ZNF397: variants seen among roughly 807,000 people sequenced by gnomAD.
The protein encoded by ZNF397 is zinc finger and SCAN domain-containing protein 15.
Under a neutral mutation model 50.6 loss-of-function variants are expected in ZNF397, and 38 were observed. The observed-to-expected ratio is 0.75, with a 90% CI of 0.58 to 0.98. The LOEUF (loss-of-function observed/expected upper bound fraction) is 0.98, where lower values mean the gene tolerates loss of function less well. Ranked by LOEUF, ZNF397 falls within the 50% of genes least tolerant of loss-of-function variation. The probability of loss-of-function intolerance (pLI) is 0.00; values close to 1 mark genes in which losing one functional copy is unlikely to be tolerated. For synonymous variants in ZNF397, 228 were observed against 215.2 expected, an observed-to-expected ratio of 1.06 and a Z score of -0.52; for missense variants, 624 against 624.1, an observed-to-expected ratio of 1.00 and a Z score of 0.00.
At chr18:35,244,487 A>G (rs1469153681) in intron 3 of ZNF397, among the ~76,000 whole-genome samples, 1 of 152,176 alleles carries the variant, frequency 6.6e-6, no homozygotes, top group Non-Finnish European at 1.5e-5. Flanking sequence ...GATGTAATGG[A>G]AGCCAAGGGT....
At position 35,245,587 on chromosome 18, in the gene ZNF397, C is replaced by T; in HGVS notation, c.882C>T (p.Phe294=). Residue 294 remains phenylalanine (F), a synonymous_variant, in exon 4 of 4, where the codon TTC becomes TTT. Coordinates refer to ENST00000330501, the MANE Select transcript of ZNF397 (RefSeq NM_001135178.3). ...PYRCDVCGHS[F]KQHSSLTQHQ... ...GATGTGATGTATGTGGGCACAGCTTCAAGCAGCATTCCTCTCTAACACAAC... is the reference window on the plus strand; with the variant it reads ...GATGTGATGTATGTGGGCACAGCTTTAAGCAGCATTCCTCTCTAACACAAC... 6.4e-7 allele frequency: 1 copy of T among 1,553,008 alleles called. No homozygotes were observed. The highest frequency in any genetic ancestry group is 8.7e-7 in the Non-Finnish European group (1 of 1,147,560).
At position 35,245,732 on chromosome 18, in the gene ZNF397, T is replaced by C. The variant is rs1415612776; in HGVS notation, c.1027T>C (p.Cys343Arg). The C allele has an allele frequency of 1.9e-6, 3 of 1,552,160 alleles. No individual in the cohort carries two copies. Among genetic ancestry groups the C allele is most frequent in the Non-Finnish European group, 2.6e-6 (3 of 1,147,186 alleles). The change falls in exon 4 of 4, where the codon TGT becomes CGT. Residue 343 changes from cysteine (C) to arginine (R), a missense_variant. Cys to Arg is a radical substitution (Grantham distance 180, BLOSUM62 -3). Coordinates refer to ENST00000330501, the MANE Select transcript of ZNF397 (RefSeq NM_001135178.3). ...RIHSGEKAYE[C>R]SECGKAFNQS... Reference sequence around the variant, plus strand: ...TCATAGTGGTGAGAAAGCATATGAATGTAGTGAATGTGGGAAAGCTTTCAA... The same window carrying C: ...TCATAGTGGTGAGAAAGCATATGAACGTAGTGAATGTGGGAAAGCTTTCAA...
rs2043501906 is a variant in ZNF397, at chr18:35,247,540, G to A, written c.*1230G>A. 6.6e-6 allele frequency: 1 copy of A among 152,088 alleles called. No individual in the cohort carries two copies. The highest frequency in any genetic ancestry group is 1.5e-5 in the Non-Finnish European group (1 of 68,036). The allele number at this position is 152,088 out of a possible 1,614,324, so 9.4% of individuals were successfully genotyped here. ...TGGGGCTATACGCCCACAATTCCTA[G>A]TACATTCCCTTGGGCTTTGGTGCTC... is the stretch of plus-strand genomic sequence containing the variant. On this transcript the variant is annotated 3_prime_UTR_variant, in exon 4 of 4. Coordinates refer to ENST00000330501, the MANE Select transcript of ZNF397 (RefSeq NM_001135178.3).
At position 35,248,336 on chromosome 18, in the gene ZNF397, C is replaced by T. The variant is rs541394010; in HGVS notation, c.*2026C>T. On this transcript the variant is annotated 3_prime_UTR_variant, in exon 4 of 4. Transcript: ENST00000330501. The stretch of plus-strand genomic sequence containing the variant: ...AAGAACAGCAGGAGGCCTAAATGCC[C>T]ATGTTTAGGGAGAGAATATGGAAAA... 1 of 152,230 alleles carries T rather than the reference C, an allele frequency of 6.6e-6. No homozygotes were observed. The highest frequency in any genetic ancestry group is 2.1e-4 in the South Asian group (1 of 4,820). The allele number at this position is 152,230 out of a possible 1,614,324, so 9.4% of individuals were successfully genotyped here.
At chr18:35,254,495 C>A (rs1319924768), downstream of ZNF397, 4 of 1,552,540 alleles carry the variant, frequency 2.6e-6, no homozygotes, top group Non-Finnish European at 2.6e-6. Flanking sequence ...GAGGACAGTT[C>A]TCAAAACTAG....
Position 35,242,461 on chromosome 18 carries a change from T to G in ZNF397, c.-10T>G. ...GTACTGAGCTTTTTGCTAAGCTGTTTCAGCCAAGAATGGCTGTGGAATCTG... is the reference window on the plus strand; with the variant it reads ...GTACTGAGCTTTTTGCTAAGCTGTTGCAGCCAAGAATGGCTGTGGAATCTG... On this transcript the variant is annotated 5_prime_UTR_variant, in exon 2 of 4. Coordinates refer to ENST00000330501, the MANE Select transcript of ZNF397 (RefSeq NM_001135178.3). The G allele has an allele frequency of 6.2e-7, 1 of 1,606,676 alleles. No homozygotes were observed. The highest frequency in any genetic ancestry group is 8.5e-7 in the Non-Finnish European group (1 of 1,175,534).
At chr18:35,254,050 G>A, downstream of ZNF397, 9 of 1,614,126 alleles carry the variant, frequency 5.6e-6, no homozygotes, top group Non-Finnish European at 7.6e-6. Flanking sequence ...TTTCCCTAGT[G>A]TCAACGCTCT....
At chr18:35,255,160 G>T (rs2043757683) in intron 5 of ZNF397, among the ~76,000 whole-genome samples, 1 of 151,328 alleles carries the variant, frequency 6.6e-6, no homozygotes, top group Non-Finnish European at 1.5e-5. Context: ...AAACATGACT[G>T]CCCAGAGCCA....
At chr18:35,255,244 A>G (rs908095222) in intron 5 of ZNF397, among the ~76,000 whole-genome samples, 2 of 151,326 alleles carry the variant, frequency 1.3e-5, no homozygotes, top group South Asian at 4.2e-4. Flanking sequence ...ATCTCTCTAG[A>G]TAACTACAGT....
At position 35,247,009 on chromosome 18, in the gene ZNF397, AGGAAATGGG is replaced by A. The variant is rs1296215181; in HGVS notation, c.*708_*716del. 1.1e-6 allele frequency: 1 copy of A among 908,660 alleles called. No homozygotes were observed. The highest frequency in any genetic ancestry group is 1.3e-6 in the Non-Finnish European group (1 of 760,104). 56.3% of individuals were successfully genotyped at this position (908,660 alleles called of 1,614,324 possible). ...GGAGCACCTGACTCAGCCTTGGATA[AGGAAATGGG>A]GGAAATGGCCTGAAGGATGAGGAGG... On this transcript the variant is annotated 3_prime_UTR_variant, in exon 4 of 4. Transcript: ENST00000330501.
Position 35,246,070 on chromosome 18 carries a change from TA to T in ZNF397, c.1366del (p.Ser456ValfsTer9). 6.4e-7 allele frequency: 1 copy of T among 1,559,590 alleles called. No individual in the cohort carries two copies. Among genetic ancestry groups the T allele is most frequent in the Non-Finnish European group, 8.7e-7 (1 of 1,151,730 alleles). On this transcript the variant is annotated frameshift_variant, in exon 4 of 4. Coordinates refer to ENST00000330501, the MANE Select transcript of ZNF397 (RefSeq NM_001135178.3). LOFTEE classifies it high-confidence loss of function. ...IHSGEKPYECSECGKAFSLSS... is the reference protein window; with the variant it reads ...IHSGEKPYECXECGKAFSLSS... ...ATAGTGGAGAGAAACCCTATGAATG[TA>T]GTGAATGTGGAAAAGCTTTCAGTTT...
intron 5 of ZNF397, chr18:35,257,385 G>A (rs1284746628): frequency 6.5e-6 from 1 of 152,952 alleles, no homozygotes; most frequent in Non-Finnish European, 1.5e-5. Context: ...ATATGTTGAA[G>A]TCCTAACCCC....
At chr18:35,253,192 T>C (rs1207258894), downstream of ZNF397, 1 of 331,306 alleles carries the variant, frequency 3.0e-6, no homozygotes, top group Non-Finnish European at 5.6e-6. Context: ...GGGATATTGA[T>C]GAGTCTCATC....
intron 5 of ZNF397, chr18:35,256,948 AT>A (rs543304979): frequency 1.4e-4 from 21 of 152,940 alleles, no homozygotes; most frequent in Non-Finnish European, 2.5e-4. Flanking sequence ...TAATTAAAAA[AT>A]TTTTTTTGTA....
Position 35,245,279 on chromosome 18 carries a change from A to C in ZNF397, c.574A>C (p.Thr192Pro). The part of the protein sequence containing the change: ...SPKSDCENSE[T>P]ATKEGISEEK... The stretch of plus-strand genomic sequence containing the variant: ...TGTTTCAGATTGTGAGAACAGTGAA[A>C]CAGCAACAAAAGAGGGCATCTCAGA... The change falls in exon 4 of 4, where the codon ACA becomes CCA. Residue 192 changes from threonine (T) to proline (P), a missense_variant. Thr to Pro is a conservative substitution (Grantham distance 38, BLOSUM62 -1). Coordinates refer to ENST00000330501, the MANE Select transcript of ZNF397 (RefSeq NM_001135178.3). 1 of 1,604,112 alleles carries C rather than the reference A, an allele frequency of 6.2e-7. No individual in the cohort carries two copies. Among genetic ancestry groups the C allele is most frequent in the Non-Finnish European group, 8.5e-7 (1 of 1,173,708 alleles).
chr18:35,243,086 G>T (rs1373323504), intron 2 of ZNF397, 66 bp from the exon 3 acceptor site: 3 of 1,607,094 alleles, frequency 1.9e-6, no homozygotes, highest in Non-Finnish European at 2.5e-6. Flanking sequence ...ACCTCTTTGA[G>T]ATTTTTACTA....
downstream of ZNF397, among the ~76,000 whole-genome samples, chr18:35,250,111 C>T (rs1050197564): frequency 6.6e-6 from 1 of 152,098 alleles, no homozygotes; most frequent in African/African-American, 2.4e-5. Flanking sequence ...AAAAAGTCTA[C>T]AAAGTATAAA....
Position 35,249,133 on chromosome 18 carries a change from T to C in ZNF397, c.*2823T>C, listed in dbSNP as rs373058477. On this transcript the variant is annotated 3_prime_UTR_variant, in exon 4 of 4. Coordinates refer to ENST00000330501, the MANE Select transcript of ZNF397 (RefSeq NM_001135178.3). ...ATGTTCAACCTCACTACAGTTAAAA[T>C]GTATATTAAAGCAAGAGTTGAGATG... is the stretch of plus-strand genomic sequence containing the variant. 1 of 152,130 alleles carries C rather than the reference T, an allele frequency of 6.6e-6. No individual in the cohort carries two copies. Among genetic ancestry groups the C allele is most frequent in the African/African-American group, 2.4e-5 (1 of 41,418 alleles). The allele number at this position is 152,130 out of a possible 1,614,324, so 9.4% of individuals were successfully genotyped here.
rs1912679059 is a variant in ZNF397 at position 35,243,444 on chromosome 18, A to G, written c.556+151A>G. ...TGCTCGCTTTAGCGGCTTTGTATTC[A>G]CCCCTCATGAATTGCTGTCAGCCCT... On this transcript the variant is annotated intron_variant, in intron 3 of 3. Transcript: ENST00000330501. The G allele has an allele frequency of 4.8e-6, 5 of 1,032,968 alleles. No individual in the cohort carries two copies. In the Admixed American group the frequency reaches 1.0e-4, roughly 21 times the overall value. The allele number at this position is 1,032,968 out of a possible 1,614,324, so 64.0% of individuals were successfully genotyped here. A position where few individuals can be genotyped will look rare whatever the true frequency, so the allele number is the denominator to read the frequency against.
Sources: gnomAD v4.1 joint callset for allele counts (sites outside exome capture counted in the v4.1 genomes callset) on GRCh38, gnomAD v4.1.1 for gene constraint, MANE v1.5 for transcripts, NCBI Gene and HGNC (gene_info 2026-07-23, HGNC 2026-07-21) for gene names.